The following KMO variants were observed in gnomAD, a reference collection of about 807,000 sequenced individuals.
The protein encoded by KMO is kynurenine 3-hydroxylase.
In KMO, 24 loss-of-function variants were observed where a neutral mutation model predicts 57.8. The observed-to-expected ratio is 0.42, with a 90% CI of 0.30 to 0.58. KMO has a LOEUF of 0.58. Ranked by LOEUF, KMO falls within the 20% of genes least tolerant of loss-of-function variation. KMO has a pLI of 0.22. For missense variants in KMO, 483 were observed against 588.2 expected, an observed-to-expected ratio of 0.82 and a Z score of 1.85; for synonymous variants, 210 against 193.6, an observed-to-expected ratio of 1.08 and a Z score of -0.70.
rs762603755 is a variant in KMO at position 241,562,152 on chromosome 1, T to C, written c.450-15T>C. On this transcript the variant is annotated splice_polypyrimidine_tract_variant and intron_variant, in intron 6 of 14. Coordinates refer to ENST00000366559, the MANE Select transcript of KMO (RefSeq NM_003679.5). ...AGACATATTTTTCTTTTGGATGTTTTGTTCTATTTTTCAGATCTGACAAAG... is the reference window on the plus strand; with the variant it reads ...AGACATATTTTTCTTTTGGATGTTTCGTTCTATTTTTCAGATCTGACAAAG... 4 of 1,612,168 alleles carry C rather than the reference T, an allele frequency of 2.5e-6. No homozygotes were observed. The South Asian group carries it at 4.4e-5, about 18-fold the overall frequency.
Position 241,549,781 on chromosome 1 carries a change from A to C in KMO, c.222+7A>C. 1 of 1,546,014 alleles carries C rather than the reference A, an allele frequency of 6.5e-7. No homozygotes were observed. Among genetic ancestry groups the C allele is most frequent in the Non-Finnish European group, 8.9e-7 (1 of 1,119,850 alleles). On this transcript the variant is annotated splice_region_variant and intron_variant, in intron 3 of 14. Coordinates refer to ENST00000366559, the MANE Select transcript of KMO (RefSeq NM_003679.5). ...TGTTGGCCTGGAAGATCAGGTACTT[A>C]ATGTATCTTTCTTACAGAAGATAAT...
intron 10 of KMO, 56 bp from the exon 11 acceptor site, chr1:241,586,622 AG>A: frequency 8.9e-7 from 1 of 1,126,590 alleles, no homozygotes; most frequent in Non-Finnish European, 1.3e-6. Flanking sequence ...ATCAATAATA[AG>A]GGTTTCTTTT....
chr1:241,557,946 C>T (rs770553343), intron 5 of KMO, among the ~76,000 whole-genome samples: 3 of 152,212 alleles, frequency 2.0e-5, no homozygotes, highest in Non-Finnish European at 2.9e-5. Flanking sequence ...AAACATTCAT[C>T]GAAGCACCAA....
intron 1 of KMO, among the ~76,000 whole-genome samples, chr1:241,538,859 T>C (rs1660844230): frequency 6.6e-6 from 1 of 152,202 alleles, no homozygotes; most frequent in African/African-American, 2.4e-5. Flanking sequence ...CCAGACTTTG[T>C]TAAGTGCCTA....
At chr1:241,555,551 C>T in intron 4 of KMO, 61 bp from the exon 5 acceptor site, 1 of 913,980 alleles carries the variant, frequency 1.1e-6, no homozygotes. Context: ...GAGTGAATAA[C>T]TTAGAATTAT....
At chr1:241,586,891 T>C (rs1663014607) in intron 11 of KMO, among the ~76,000 whole-genome samples, 155 bp downstream of exon 11, 1 of 152,148 alleles carries the variant, frequency 6.6e-6, no homozygotes, top group African/African-American at 2.4e-5. Context: ...ATGCCACCGT[T>C]TTCCCATAGC....
At chr1:241,552,523 G>A (rs1469910887) in intron 4 of KMO, among the ~76,000 whole-genome samples, 2 of 152,060 alleles carry the variant, frequency 1.3e-5, no homozygotes, top group African/African-American at 2.4e-5. Context: ...ATCCCCGGGA[G>A]CCCACCTTCT....
rs1191021403 is a variant in KMO at position 241,560,695 on chromosome 1, A to C, written c.392A>C (p.His131Pro). 1 of 1,613,544 alleles carries C rather than the reference A, an allele frequency of 6.2e-7. No homozygotes were observed. The highest frequency in any genetic ancestry group is 1.3e-5 in the African/African-American group (1 of 74,920). ...AAEKYPNVKM[H>P]FNHRLLKCNP... Reference sequence around the variant, plus strand: ...GAGAAATACCCCAATGTGAAAATGCACTTTAACCACAGGCTGTTGAAATGT... The same window carrying C: ...GAGAAATACCCCAATGTGAAAATGCCCTTTAACCACAGGCTGTTGAAATGT... The change falls in exon 6 of 15, where the codon CAC becomes CCC. Residue 131 changes from histidine (H) to proline (P), a missense_variant. His to Pro is a moderately conservative substitution (Grantham distance 77). This residue lies in a region of KMO where 410 missense variants were observed against 492.3 expected (regional missense o/e 0.83). Coordinates refer to ENST00000366559, the MANE Select transcript of KMO (RefSeq NM_003679.5).
chr1:241,553,726 A>C (rs1309777458), intron 4 of KMO, among the ~76,000 whole-genome samples: 1 of 152,194 alleles, frequency 6.6e-6, no homozygotes, highest in Admixed American at 6.5e-5. Flanking sequence ...AAAGCTTTAT[A>C]ATTTGAATGT....
intron 10 of KMO, among the ~76,000 whole-genome samples, chr1:241,570,975 T>C (rs1426091755): frequency 1.3e-5 from 2 of 152,128 alleles, no homozygotes; most frequent in Admixed American, 1.3e-4. Flanking sequence ...CGTTTTATAG[T>C]TTTCATTGTA....
intron 14 of KMO, among the ~76,000 whole-genome samples, chr1:241,590,847 G>C (rs1297027484): frequency 6.6e-6 from 1 of 152,220 alleles, no homozygotes; most frequent in Non-Finnish European, 1.5e-5. Flanking sequence ...GATACAGACA[G>C]TGGCACTGGA....
At chr1:241,549,589 G>T in intron 2 of KMO, 88 bp from the exon 3 acceptor site, 1 of 689,180 alleles carries the variant, frequency 1.5e-6, no homozygotes, top group South Asian at 2.0e-5. Context: ...GGTTCCGAAT[G>T]AACCAGTTGT....
chr1:241,541,798 T>C (rs185866390), intron 1 of KMO, among the ~76,000 whole-genome samples: 12 of 152,332 alleles, frequency 7.9e-5, no homozygotes, highest in South Asian at 4.1e-4. Context: ...TCTCATTGCA[T>C]TGATATACCC....
intron 10 of KMO, among the ~76,000 whole-genome samples, chr1:241,576,874 T>G (rs147998183): frequency 2.4e-4 from 37 of 152,282 alleles, no homozygotes; most frequent in African/African-American, 8.7e-4. Context: ...ACATCAATTA[T>G]TCTTAGATTT....
chr1:241,547,834 C>G (rs963348773), intron 1 of KMO, among the ~76,000 whole-genome samples: 1 of 151,848 alleles, frequency 6.6e-6, no homozygotes, highest in African/African-American at 2.4e-5. Context: ...TGTATAGAAC[C>G]CTTGAAAAAA....
At chr1:241,583,125 C>CT (rs1371615706) in intron 10 of KMO, among the ~76,000 whole-genome samples, 3 of 152,186 alleles carry the variant, frequency 2.0e-5, no homozygotes, top group African/African-American at 7.2e-5. Flanking sequence ...AGTCTCTTCT[C>CT]TTTTGTTCCT....
In KMO at chr1:241,592,755, C is replaced by CTATCATCTATCTATCT. The variant is rs1553352691; in HGVS notation, c.*602_*603insTATCATCTATCTATCT. ...ATCTATCATCTATCTATCTATCTAT[C>CTATCATCTATCTATCT]ATCTATCTATCTATCTATCTATCTA... On this transcript the variant is annotated 3_prime_UTR_variant, in exon 15 of 15. Transcript: ENST00000366559. 1.5e-5 allele frequency: 2 copies of CTATCATCTATCTATCT among 137,476 alleles called. No individual in the cohort carries two copies. The highest frequency in any genetic ancestry group is 5.2e-5 in the African/African-American group (2 of 38,688). 8.5% of individuals were successfully genotyped at this position (137,476 alleles called of 1,614,324 possible). A position where few individuals can be genotyped will look rare whatever the true frequency, so the allele number is the denominator to read the frequency against.
chr1:241,560,060 T>C (rs1210196597), intron 5 of KMO, among the ~76,000 whole-genome samples: 1 of 152,232 alleles, frequency 6.6e-6, no homozygotes, highest in Non-Finnish European at 1.5e-5. Flanking sequence ...AGTTCATAAA[T>C]TGAAATTCAC....
intron 10 of KMO, among the ~76,000 whole-genome samples, chr1:241,584,538 T>A (rs1662891833): frequency 6.6e-6 from 1 of 152,198 alleles, no homozygotes; most frequent in South Asian, 2.1e-4. Context: ...TGATTAGATG[T>A]TGAACACTAC....
Sources: allele counts gnomAD v4.1 joint callset (sites outside exome capture counted in the v4.1 genomes callset), GRCh38; gene constraint gnomAD v4.1.1; regional missense constraint gnomAD v4.1.1; transcripts MANE v1.5; gene names NCBI Gene and HGNC (gene_info 2026-07-23, HGNC 2026-07-21).